PHF19: variants seen among roughly 807,000 people sequenced by gnomAD.
PHF19 encodes polycomb like 3.
PHF19 carries 21 observed loss-of-function variants against 79.8 expected under a neutral mutation model. The ratio of observed to expected loss-of-function variants is 0.26; its 90% CI spans 0.19 to 0.38. PHF19 has a LOEUF of 0.38. Ranked by LOEUF, PHF19 falls within the 10% of genes least tolerant of loss-of-function variation. The pLI is 1.00. For missense variants in PHF19, 445 were observed against 744.2 expected (o/e 0.60, Z 4.68); for synonymous variants, 273 against 296.3 (o/e 0.92, Z 0.81).
At chr9:120,896,537 C>T (rs542982301), upstream of PHF19, among the ~76,000 whole-genome samples, 2 of 150,102 alleles carry the variant, frequency 1.3e-5, no homozygotes, top group Non-Finnish European at 3.0e-5. Context: ...CTGCAAGCTC[C>T]GCCTCCCGGG....
upstream of PHF19, among the ~76,000 whole-genome samples, chr9:120,897,847 TG>T (rs2046414682): frequency 6.6e-6 from 1 of 151,550 alleles, no homozygotes; most frequent in Non-Finnish European, 1.5e-5. Context: ...GGTGTGGTGG[TG>T]GGCCCCTGTA....
In PHF19 at chr9:120,869,491, C is replaced by T; in HGVS notation, c.466-161G>A. Reference sequence around the variant, plus strand: ...GGAGCTTTTTCTCATTAATTCCAAACCCATCCCCTCTATCCCAGAAGGAAC... The same window carrying T: ...GGAGCTTTTTCTCATTAATTCCAAATCCATCCCCTCTATCCCAGAAGGAAC... On this transcript the variant is annotated intron_variant, in intron 5 of 14. Coordinates refer to ENST00000373896, the MANE Select transcript of PHF19 (RefSeq NM_015651.3). The surrounding 1 kb of genome is among the most constrained non-coding windows in gnomAD (Gnocchi z 5.8). 2.2e-6 allele frequency: 3 copies of T among 1,341,008 alleles called. No homozygotes were observed. Among genetic ancestry groups the T allele is most frequent in the East Asian group, 2.5e-5 (1 of 39,690 alleles). The allele number at this position is 1,341,008 out of a possible 1,614,324, so 83.1% of individuals were successfully genotyped here. A position where few individuals can be genotyped will look rare whatever the true frequency, so the allele number is the denominator to read the frequency against.
At chr9:120,863,775 CTAGATGTCT>C (rs2045610299) in intron 10 of PHF19, among the ~76,000 whole-genome samples, 2 of 152,200 alleles carry the variant, frequency 1.3e-5, no homozygotes, top group African/African-American at 4.8e-5. Context: ...CCCCCAAGGC[CTAGATGTCT>C]AGAGCCGGAG....
Position 120,858,139 on chromosome 9 carries a change from GCCTT to G in PHF19, c.1544_1547del (p.Glu515AlafsTer67). On this transcript the variant is annotated frameshift_variant, in exon 15 of 15. Coordinates refer to ENST00000373896, the MANE Select transcript of PHF19 (RefSeq NM_015651.3). LOFTEE classifies it high-confidence loss of function. ...TGCTCTCAAATGTGTGGCTGTCAAT[GCCTT>G]CGTCTGGCCGCTCGGGGACTGAAGC... The G allele has an allele frequency of 6.2e-7, 1 of 1,613,804 alleles. No homozygotes were observed. Among genetic ancestry groups the G allele is most frequent in the Non-Finnish European group, 8.5e-7 (1 of 1,179,698 alleles).
the PHF19 span, among the ~76,000 whole-genome samples, chr9:120,901,414 C>T: frequency 2.6e-5 from 4 of 152,002 alleles, no homozygotes; most frequent in Non-Finnish European, 5.9e-5. Context: ...AGGCTGGTCT[C>T]GAATTCCTGA....
At chr9:120,877,467 T>C, upstream of PHF19, 1 of 581,158 alleles carries the variant, frequency 1.7e-6, no homozygotes, top group Non-Finnish European at 2.1e-6. Context: ...CGGGCGCGCA[T>C]CCTCCGCGGC....
At chr9:120,893,140 T>A (rs1278640346) in intron 1 of PHF19, among the ~76,000 whole-genome samples, 1 of 152,246 alleles carries the variant, frequency 6.6e-6, no homozygotes, top group East Asian at 1.9e-4. Flanking sequence ...GCAGCTGTGA[T>A]TATTTCAACA....
rs1007566555 is a variant in PHF19 at position 120,860,388 on chromosome 9, C to T, written c.1305-203G>A. 6 of 557,362 alleles carry T rather than the reference C, an allele frequency of 1.1e-5. No homozygotes were observed. In the African/African-American group the frequency reaches 1.1e-4, roughly 11 times the overall value. 34.5% of individuals were successfully genotyped at this position (557,362 alleles called of 1,614,324 possible). A position where few individuals can be genotyped will look rare whatever the true frequency, so the allele number is the denominator to read the frequency against. ...GAAGTCAAAAAAACCTCCTGGAGCA[C>T]CCTCCCCTGGCGGTGACGTAAGCAC... is the stretch of plus-strand genomic sequence containing the variant. On this transcript the variant is annotated intron_variant, in intron 13 of 14. Coordinates refer to ENST00000373896, the MANE Select transcript of PHF19 (RefSeq NM_015651.3). This position sits in a 1 kb window ranked among gnomAD's most constrained non-coding sequence, Gnocchi z 4.1.
At chr9:120,871,847 G>A (rs2045904768) in intron 3 of PHF19, among the ~76,000 whole-genome samples, 1 of 151,798 alleles carries the variant, frequency 6.6e-6, no homozygotes, top group African/African-American at 2.4e-5. Flanking sequence ...AGACCAGCCT[G>A]CCCAATAGGG....
intron 3 of PHF19, among the ~76,000 whole-genome samples, chr9:120,872,279 G>C (rs919981460): frequency 2.0e-5 from 3 of 152,192 alleles, no homozygotes; most frequent in African/African-American, 4.8e-5. Context: ...GTGGTGCTCA[G>C]CCTTATGCTC....
upstream of PHF19, chr9:120,877,218 CGGCGGG>C: frequency 2.6e-6 from 1 of 389,786 alleles, no homozygotes; most frequent in Non-Finnish European, 3.3e-6. Flanking sequence ...GTCGGGGTCT[CGGCGGG>C]GGCGGGGCGG....
chr9:120,858,219 A>AC lies in PHF19; in HGVS notation c.1467dup (p.Trp490ValfsTer4). 1 of 1,580,636 alleles carries AC rather than the reference A, an allele frequency of 6.3e-7. No individual in the cohort carries two copies. Among genetic ancestry groups the AC allele is most frequent in the Non-Finnish European group, 8.6e-7 (1 of 1,156,812 alleles). ...CAGCGTCCATCCAGCTCAGCTGCCC[A>AC]CCGCTTTGCCCGCAGGGGCATGTAT... On this transcript the variant is annotated frameshift_variant, in exon 15 of 15. Coordinates refer to ENST00000373896, the MANE Select transcript of PHF19 (RefSeq NM_015651.3). LOFTEE classifies it high-confidence loss of function.
chr9:120,882,818 G>T (rs1388966938), intron 1 of PHF19, among the ~76,000 whole-genome samples: 3 of 148,456 alleles, frequency 2.0e-5, no homozygotes, highest in Non-Finnish European at 4.4e-5. Context: ...CTCCAGCCTG[G>T]GTGACAAGAG....
At chr9:120,893,236 C>T (rs750583348) in intron 1 of PHF19, among the ~76,000 whole-genome samples, 22 of 152,226 alleles carry the variant, frequency 1.4e-4, no homozygotes, top group Non-Finnish European at 2.9e-4. Flanking sequence ...GACGCTCTCC[C>T]TTTGCTCAAG....
upstream of PHF19, among the ~76,000 whole-genome samples, chr9:120,898,792 G>A (rs2046420168): frequency 6.6e-6 from 1 of 152,224 alleles, no homozygotes; most frequent in Non-Finnish European, 1.5e-5. Flanking sequence ...AAACAGAGAT[G>A]ATAATAATCA....
Position 120,866,099 on chromosome 9 carries a change from G to A in PHF19, c.711-3C>T, listed in dbSNP as rs374484426. 49 of 1,613,036 alleles carry A rather than the reference G, an allele frequency of 3.0e-5. No homozygotes were observed. In the Middle Eastern group the frequency reaches 1.7e-3, roughly 55 times the overall value. On this transcript the variant is annotated splice_polypyrimidine_tract_variant and splice_region_variant and intron_variant, in intron 7 of 14. Transcript: ENST00000373896. The surrounding 1 kb of genome is among the most constrained non-coding windows in gnomAD (Gnocchi z 5.2). Reference sequence around the variant, plus strand: ...CGGAGCAGAAGAACAGGTAAAACCTGTGGGTGGGTAGAGACGGGGGCCTAT... The same window carrying A: ...CGGAGCAGAAGAACAGGTAAAACCTATGGGTGGGTAGAGACGGGGGCCTAT...
At chr9:120,858,376 G>A in intron 14 of PHF19, 90 bp from the exon 15 acceptor site, 3 of 981,504 alleles carry the variant, frequency 3.1e-6, no homozygotes, top group Non-Finnish European at 4.3e-6. Context: ...TCAGTACCAG[G>A]AAAGTGGAAG....
rs1360943425 is a variant in PHF19 at position 120,891,932 on chromosome 9, C to CAA, written c.42+2854_42+2855dup. 6.6e-6 allele frequency among the ~76,000 whole-genome samples: 1 copy of CAA among 152,152 alleles called. No individual in the cohort carries two copies. Among genetic ancestry groups the CAA allele is most frequent in the East Asian group, 1.9e-4 (1 of 5,188 alleles). ...GCTCAAAACATCCTAAAACAGGCTGCAAACCCCTGACGCCTTGCAGAGCCA... is the reference window on the plus strand; with the variant it reads ...GCTCAAAACATCCTAAAACAGGCTGCAAAAACCCCTGACGCCTTGCAGAGCCA... On this transcript the variant is annotated intron_variant, in intron 1 of 14. Coordinates refer to the PHF19 transcript ENST00000616568. The surrounding 1 kb of genome is among the most constrained non-coding windows in gnomAD (Gnocchi z 4.3).
Position 120,870,456 on chromosome 9 carries a change from C to T in PHF19, c.351G>A (p.Gly117=). The change falls in exon 4 of 15, where the codon GGG becomes GGA. Residue 117 remains glycine, a synonymous_variant. Coordinates refer to ENST00000373896, the MANE Select transcript of PHF19 (RefSeq NM_015651.3). This position sits in a 1 kb window ranked among gnomAD's most constrained non-coding sequence, Gnocchi z 4.4. ...CGCTCCACTCACCCAGGCCACACTT[C>T]CCGCAGATGAGGATCTCATTCAGCG... The part of the protein sequence containing the change: ...SGPLNEILIC[G]KCGLGYHQQC... 1.2e-6 allele frequency: 2 copies of T among 1,610,908 alleles called. No homozygotes were observed. Among genetic ancestry groups the T allele is most frequent in the Non-Finnish European group, 1.7e-6 (2 of 1,177,028 alleles).
Sources: gnomAD v4.1 joint callset for allele counts (sites outside exome capture counted in the v4.1 genomes callset) on GRCh38, gnomAD v4.1.1 for gene constraint, Gnocchi (gnomAD v3.1) non-coding constraint, MANE v1.5 for transcripts, NCBI Gene and HGNC (gene_info 2026-07-23, HGNC 2026-07-21) for gene names.